The following ELOVL6 variants were observed in gnomAD, a reference collection of about 807,000 sequenced individuals.
ELOVL6 encodes the protein ELOVL fatty acid elongase 6.
Under a neutral mutation model 31.7 loss-of-function variants are expected in ELOVL6, and 8 were observed. The ratio of observed to expected loss-of-function variants is 0.25; its 90% CI spans 0.15 to 0.45. The LOEUF (loss-of-function observed/expected upper bound fraction) is 0.45. Among genes scored for constraint, ELOVL6 ranks in the 20% least tolerant of loss-of-function variants. The probability of loss-of-function intolerance (pLI) is 1.00; values close to 1 mark genes in which losing one functional copy is unlikely to be tolerated. For missense variants in ELOVL6, 126 were observed against 326.4 expected (o/e 0.39, Z 4.73); for synonymous variants, 101 against 117.7 (o/e 0.86, Z 0.92).
intron 1 of ELOVL6, among the ~76,000 whole-genome samples, chr4:110,155,149 A>T (rs964269466): frequency 1.3e-5 from 2 of 152,182 alleles, no homozygotes; most frequent in African/African-American, 4.8e-5. Flanking sequence ...TATATTTTTT[A>T]AACTTCTATG....
Position 110,075,002 on chromosome 4 carries a change from A to G in ELOVL6, c.222-15248T>C, listed in dbSNP as rs79206367. On this transcript the variant is annotated intron_variant, in intron 2 of 3. Transcript: ENST00000302274. ...ATAGATGTTACTCCAGAGATAATAC[A>G]CAAATAATGAATCAAAAGCATATGA... 1.4e-3 allele frequency among the ~76,000 whole-genome samples: 212 copies of G among 152,354 alleles called. 2 individuals are homozygous for G. The East Asian group carries it at 0.021, about 15-fold the overall frequency.
At chr4:110,195,709 G>A (rs1234396801) in intron 1 of ELOVL6, among the ~76,000 whole-genome samples, 1 of 152,188 alleles carries the variant, frequency 6.6e-6, no homozygotes, top group Non-Finnish European at 1.5e-5. Context: ...CGGTATGCAA[G>A]TTCTAGCCTG....
rs1560814404 is a variant in ELOVL6 at position 110,084,185 on chromosome 4, A to ACATATAACTTATATGATATGTAT, written c.221+21311_221+21312insATACATATCATATAAGTTATATG. Among the ~76,000 whole-genome samples the ACATATAACTTATATGATATGTAT allele has an allele frequency of 4.0e-4, 27 of 67,580 alleles. 3 individuals carry two copies. The highest frequency in any genetic ancestry group is 2.2e-3 in the African/African-American group (27 of 12,090). The allele number at this position is 67,580 out of a possible 152,430, so 44.3% of individuals were successfully genotyped here. ...ATATGTGATATATATGATATATATA[A>ACATATAACTTATATGATATGTAT]CATATAACTTATATGATATATATAA... On this transcript the variant is annotated intron_variant, in intron 2 of 3. Coordinates refer to ENST00000302274, the MANE Select transcript of ELOVL6 (RefSeq NM_024090.3).
intron 2 of ELOVL6, among the ~76,000 whole-genome samples, chr4:110,090,620 T>C (rs1168653096): frequency 1.6e-4 from 24 of 148,284 alleles, no homozygotes; most frequent in South Asian, 4.3e-4. Context: ...TTTTTTTTTT[T>C]CATGAGACGG....
intron 1 of ELOVL6, among the ~76,000 whole-genome samples, chr4:110,166,284 C>T (rs1341686517): frequency 1.3e-5 from 2 of 152,178 alleles, no homozygotes; most frequent in Admixed American, 1.3e-4. Flanking sequence ...AATGAGACAT[C>T]ACCTTTCTTT....
At chr4:110,106,079 G>T (rs116582429) in intron 1 of ELOVL6, among the ~76,000 whole-genome samples, 2,940 of 152,308 alleles carry the variant, frequency 0.019, 111 homozygotes, top group African/African-American at 0.067. Context: ...TATCTTGGGT[G>T]GGTGTGGTGG....
At position 110,084,295 on chromosome 4, in the gene ELOVL6, AT is replaced by A. The variant is rs1171027064; in HGVS notation, c.221+21201del. Among the ~76,000 whole-genome samples, 8 of 122,298 alleles carry A rather than the reference AT, an allele frequency of 6.5e-5. No homozygotes were observed. The East Asian group carries it at 1.8e-3, about 27-fold the overall frequency. The allele number at this position is 122,298 out of a possible 152,430, so 80.2% of individuals were successfully genotyped here. A position where few individuals can be genotyped will look rare whatever the true frequency, so the allele number is the denominator to read the frequency against. ...GATATATAACATATATAACTTATAT[AT>A]GATATATAACATATAACATATATAA... On this transcript the variant is annotated intron_variant, in intron 2 of 3. Transcript: ENST00000302274.
chr4:110,198,549 C>T lies in ELOVL6; in HGVS notation c.-214G>A, dbSNP rs559105873. 5.4e-4 allele frequency: 276 copies of T among 511,484 alleles called. 1 individual carries two copies. The highest frequency in any genetic ancestry group is 4.8e-3 in the African/African-American group (244 of 50,728). 31.7% of individuals were successfully genotyped at this position (511,484 alleles called of 1,614,324 possible). On this transcript the variant is annotated 5_prime_UTR_variant, in exon 1 of 4. Coordinates refer to ENST00000302274, the MANE Select transcript of ELOVL6 (RefSeq NM_024090.3). Reference sequence around the variant, plus strand: ...GCGCCTCCGCTCCCAGCTCCTCTCTCTGGGGCTCTCCTCCTCCCGGCGTCC... The same window carrying T: ...GCGCCTCCGCTCCCAGCTCCTCTCTTTGGGGCTCTCCTCCTCCCGGCGTCC...
intron 1 of ELOVL6, among the ~76,000 whole-genome samples, chr4:110,191,021 T>G (rs10009078): frequency 0.33 from 49,016 of 149,164 alleles, 8,165 homozygotes; most frequent in Middle Eastern, 0.44. Context: ...GTTTCGCCAC[T>G]TTGACCAGGC....
intron 1 of ELOVL6, among the ~76,000 whole-genome samples, chr4:110,110,970 C>T (rs1332753328): frequency 6.6e-6 from 1 of 152,182 alleles, no homozygotes; most frequent in Non-Finnish European, 1.5e-5. Flanking sequence ...TTAGAGATCA[C>T]AGGTTCTCCT....
At chr4:110,076,479 G>A (rs1755634273) in intron 2 of ELOVL6, among the ~76,000 whole-genome samples, 1 of 152,142 alleles carries the variant, frequency 6.6e-6, no homozygotes, top group African/African-American at 2.4e-5. Context: ...GATCAAGTAG[G>A]AGAAATGATT....
At position 110,088,165 on chromosome 4, in the gene ELOVL6, C is replaced by T. The variant is rs563116055; in HGVS notation, c.221+17332G>A. Among the ~76,000 whole-genome samples the T allele has an allele frequency of 6.6e-5, 10 of 152,314 alleles. No homozygotes were observed. The East Asian group carries it at 1.9e-3, about 29-fold the overall frequency. The stretch of plus-strand genomic sequence containing the variant: ...AGTCATTCCCAAAGGTTTTGGTGAA[C>T]TGTGCACACACAGAGTGTGTTCTCA... On this transcript the variant is annotated intron_variant, in intron 2 of 3. Transcript: ENST00000302274.
intron 3 of ELOVL6, among the ~76,000 whole-genome samples, chr4:110,057,853 GGA>G (rs1491467552): frequency 3.1e-4 from 28 of 90,922 alleles, no homozygotes; most frequent in African/African-American, 1.3e-3. Context: ...TCTGTCTCAG[GGA>G]AAAAAAAAAA....
intron 1 of ELOVL6, among the ~76,000 whole-genome samples, chr4:110,132,985 T>C (rs1284349932): frequency 6.6e-6 from 1 of 152,140 alleles, no homozygotes; most frequent in Non-Finnish European, 1.5e-5. Context: ...AAGTCATCCA[T>C]GTCTGGGTGG....
chr4:110,091,508 T>C (rs1756426356), intron 2 of ELOVL6, among the ~76,000 whole-genome samples: 1 of 152,198 alleles, frequency 6.6e-6, no homozygotes, highest in Non-Finnish European at 1.5e-5. Flanking sequence ...TCTATCTGCA[T>C]TAAGCTAGCA....
At chr4:110,173,605 T>C (rs1490819146) in intron 1 of ELOVL6, among the ~76,000 whole-genome samples, 3 of 147,526 alleles carry the variant, frequency 2.0e-5, no homozygotes, top group Non-Finnish European at 3.0e-5. Flanking sequence ...TCAAGTGACA[T>C]GGACTGTTTA....
At chr4:110,172,338 T>G (rs1033600764) in intron 1 of ELOVL6, among the ~76,000 whole-genome samples, 3 of 152,190 alleles carry the variant, frequency 2.0e-5, no homozygotes, top group Non-Finnish European at 2.9e-5. Context: ...AAAGACGTCT[T>G]TAACAGAAGC....
intron 3 of ELOVL6, among the ~76,000 whole-genome samples, chr4:110,055,296 CT>C (rs1235338015): frequency 2.0e-5 from 3 of 152,286 alleles, no homozygotes; most frequent in African/African-American, 7.2e-5. Flanking sequence ...GAAATGTTAA[CT>C]ATCAGAGGGA....
chr4:110,181,840 T>TCTCTGGATCCACAGAGCCTGGC (rs1282675803), intron 1 of ELOVL6, among the ~76,000 whole-genome samples: 1 of 152,124 alleles, frequency 6.6e-6, no homozygotes, highest in Non-Finnish European at 1.5e-5. Context: ...CATACCAGGC[T>TCTCTGGATCCACAGAGCCTGGC]CTCTGGATCC....
Sources: gnomAD v4.1 joint callset for allele counts (sites outside exome capture counted in the v4.1 genomes callset) on GRCh38, gnomAD v4.1.1 for gene constraint, MANE v1.5 for transcripts, NCBI Gene and HGNC (gene_info 2026-07-23, HGNC 2026-07-21) for gene names.